Variants in GREM2 observed in about 807,000 individuals in gnomAD.
The protein encoded by GREM2 is gremlin-2.
In GREM2, 11 loss-of-function variants were observed where a neutral mutation model predicts 14.2. The ratio of observed to expected loss-of-function variants is 0.78; its 90% CI spans 0.49 to 1.28. The LOEUF (loss-of-function observed/expected upper bound fraction) is 1.28. Among genes scored for constraint, GREM2 ranks in the 50% most tolerant of loss-of-function variants. GREM2 has a pLI of 0.00. For missense variants in GREM2, 210 were observed against 218.5 expected (o/e 0.96, Z 0.24); for synonymous variants, 98 against 97.6 (o/e 1.00, Z -0.02).
At chr1:240,561,506 G>A (rs1679034773) in intron 1 of GREM2, among the ~76,000 whole-genome samples, 1 of 152,094 alleles carries the variant, frequency 6.6e-6, no homozygotes, top group East Asian at 1.9e-4. Context: ...TTAAAAAGAA[G>A]AAGACCTTTT....
rs559143634 is a variant in GREM2, at chr1:240,584,157, A to G, written c.-2+27727T>C. ...AACAATGAAAATAATACAAATGAAA[A>G]CAATAAGCCTGGGCAACACAGTAAG... On this transcript the variant is annotated intron_variant, in intron 1 of 1. Coordinates refer to ENST00000318160, the MANE Select transcript of GREM2 (RefSeq NM_022469.4). Among the ~76,000 whole-genome samples the G allele has an allele frequency of 2.0e-5, 3 of 152,282 alleles. No homozygotes were observed. The East Asian group carries it at 5.8e-4, about 29-fold the overall frequency.
chr1:240,571,725 A>G (rs1398022728), intron 1 of GREM2, among the ~76,000 whole-genome samples: 1 of 152,116 alleles, frequency 6.6e-6, no homozygotes, highest in Non-Finnish European at 1.5e-5. Context: ...AAAGAAAAGA[A>G]AAAGATTTGG....
intron 1 of GREM2, among the ~76,000 whole-genome samples, chr1:240,563,131 G>GT (rs1461074642): frequency 1.3e-5 from 2 of 150,398 alleles, no homozygotes; most frequent in Non-Finnish European, 3.0e-5. Context: ...GAGTGTGTAT[G>GT]TGTATGTGTG....
chr1:240,524,970 T>A (rs1678190141), intron 1 of GREM2, among the ~76,000 whole-genome samples: 1 of 152,148 alleles, frequency 6.6e-6, no homozygotes, highest in Non-Finnish European at 1.5e-5. Context: ...TCCCAGCTAC[T>A]GAGACACCGT....
At chr1:240,554,961 T>G (rs1678926342) in intron 1 of GREM2, among the ~76,000 whole-genome samples, 1 of 152,068 alleles carries the variant, frequency 6.6e-6, no homozygotes, top group Non-Finnish European at 1.5e-5. Flanking sequence ...CTGGCCAACA[T>G]GGTGAAACCC....
At chr1:240,504,270 G>T (rs770379035) in intron 1 of GREM2, among the ~76,000 whole-genome samples, 13 of 152,076 alleles carry the variant, frequency 8.5e-5, no homozygotes, top group Non-Finnish European at 1.9e-4. Flanking sequence ...ACCCCTCTTT[G>T]CTCCTTCAAT....
intron 1 of GREM2, among the ~76,000 whole-genome samples, chr1:240,602,172 C>G (rs1219820523): frequency 2.0e-5 from 3 of 152,078 alleles, no homozygotes; most frequent in Admixed American, 1.3e-4. Context: ...CTTGCCCAGG[C>G]CCCTAAAAGC....
chr1:240,522,076 CA>C (rs1485684230), intron 1 of GREM2, among the ~76,000 whole-genome samples: 3 of 147,594 alleles, frequency 2.0e-5, no homozygotes, highest in African/African-American at 7.6e-5. Context: ...GCCATGATCA[CA>C]CCACCACACC....
chr1:240,510,156 T>G (rs889584010), intron 1 of GREM2, among the ~76,000 whole-genome samples: 19 of 151,716 alleles, frequency 1.3e-4, no homozygotes, highest in South Asian at 4.2e-4. Context: ...GATCACGAGG[T>G]CAGGAGATTG....
chr1:240,518,724 C>T (rs554551109), intron 1 of GREM2, among the ~76,000 whole-genome samples: 15 of 152,284 alleles, frequency 9.9e-5, no homozygotes, highest in Admixed American at 4.6e-4. Flanking sequence ...TTCATGGCAA[C>T]GAATTTCACT....
intron 1 of GREM2, among the ~76,000 whole-genome samples, chr1:240,602,762 C>G (rs1679951001): frequency 6.6e-6 from 1 of 151,126 alleles, no homozygotes; most frequent in Non-Finnish European, 1.5e-5. Flanking sequence ...TTGCAGTGAT[C>G]TGAGATCCCG....
chr1:240,609,158 A>G (rs1286971107), intron 1 of GREM2, among the ~76,000 whole-genome samples: 1 of 152,036 alleles, frequency 6.6e-6, no homozygotes, highest in African/African-American at 2.4e-5. Flanking sequence ...GAAGCATGTC[A>G]ATCTTTATAT....
chr1:240,538,888 GAA>G (rs1678533830), intron 1 of GREM2, among the ~76,000 whole-genome samples: 1 of 152,174 alleles, frequency 6.6e-6, no homozygotes, highest in Non-Finnish European at 1.5e-5. Context: ...CAAATGCTTT[GAA>G]ATGTCTCTCA....
intron 1 of GREM2, among the ~76,000 whole-genome samples, chr1:240,502,550 C>T (rs1249104317): frequency 6.6e-6 from 1 of 152,154 alleles, no homozygotes; most frequent in Non-Finnish European, 1.5e-5. Flanking sequence ...CTGCTCATGA[C>T]TCATAGACCC....
chr1:240,578,275 G>A (rs541311734), intron 1 of GREM2, among the ~76,000 whole-genome samples: 1 of 152,094 alleles, frequency 6.6e-6, no homozygotes, highest in East Asian at 2.0e-4. Context: ...ACAGGCGCCT[G>A]CCACCATGCC....
intron 1 of GREM2, among the ~76,000 whole-genome samples, chr1:240,495,869 G>T (rs1677400964): frequency 6.6e-6 from 1 of 152,092 alleles, no homozygotes; most frequent in Admixed American, 6.6e-5. Context: ...CGTTTATTCT[G>T]GAGTAAGCAC....
chr1:240,503,302 T>C (rs1316898339), intron 1 of GREM2, among the ~76,000 whole-genome samples: 6 of 152,176 alleles, frequency 3.9e-5, no homozygotes, highest in Non-Finnish European at 5.9e-5. Context: ...CCTCATCTTC[T>C]TTCATTCCTC....
chr1:240,497,157 TGTG>T (rs1184517850), intron 1 of GREM2, among the ~76,000 whole-genome samples: 4 of 152,148 alleles, frequency 2.6e-5, no homozygotes, highest in African/African-American at 9.7e-5. Context: ...CCTGGGTCCT[TGTG>T]GTAGTGATCC....
At chr1:240,507,533 A>G (rs528960342) in intron 1 of GREM2, among the ~76,000 whole-genome samples, 3 of 152,222 alleles carry the variant, frequency 2.0e-5, no homozygotes, top group African/African-American at 7.2e-5. Context: ...GGGTTTCACC[A>G]TGTTGGCCAA....
Sources: allele counts gnomAD v4.1 joint callset (sites outside exome capture counted in the v4.1 genomes callset), GRCh38; gene constraint gnomAD v4.1.1; transcripts MANE v1.5; gene names NCBI Gene and HGNC (gene_info 2026-07-23, HGNC 2026-07-21).